Variants in STK3 observed in about 807,000 individuals in gnomAD.
STK3 encodes the protein serine/threonine kinase 3.
A neutral mutation model predicts 58.0 loss-of-function variants in STK3; 41 were observed. The observed-to-expected ratio is 0.71, with a 90% CI of 0.55 to 0.92. The LOEUF (loss-of-function observed/expected upper bound fraction) is 0.92. Among genes scored for constraint, STK3 ranks in the 40% least tolerant of loss-of-function variants. The pLI is 0.00. For missense variants in STK3, 479 were observed against 602.7 expected, an observed-to-expected ratio of 0.79 and a Z score of 2.15; for synonymous variants, 170 against 191.0, an observed-to-expected ratio of 0.89 and a Z score of 0.91.
intron 10 of STK3, among the ~76,000 whole-genome samples, chr8:98,512,319 T>A (rs1190534844): frequency 6.6e-6 from 1 of 152,198 alleles, no homozygotes; most frequent in Non-Finnish European, 1.5e-5. Context: ...AATTGATTGG[T>A]CTGAATTGTT....
chr8:98,901,804 T>A (rs1838667191), intron 1 of STK3, among the ~76,000 whole-genome samples: 1 of 152,210 alleles, frequency 6.6e-6, no homozygotes, highest in Non-Finnish European at 1.5e-5. Flanking sequence ...GCCTTCAAAG[T>A]AGAGCTGATC....
chr8:98,738,825 T>C (rs1042821513), intron 4 of STK3, among the ~76,000 whole-genome samples: 1 of 152,210 alleles, frequency 6.6e-6, no homozygotes, highest in Admixed American at 6.5e-5. Context: ...TTCAGGGAGT[T>C]CCCTTTCCTA....
chr8:98,482,619 G>A (rs527972487), intron 10 of STK3, among the ~76,000 whole-genome samples: 8 of 151,942 alleles, frequency 5.3e-5, no homozygotes, highest in African/African-American at 9.7e-5. Context: ...CTCCCTTAGA[G>A]ACTCTACGCA....
intron 6 of STK3, chr8:98,601,447 G>A (rs533750897): frequency 6.6e-6 from 1 of 152,236 alleles, no homozygotes; most frequent in East Asian, 1.9e-4. Context: ...AACACTTAAA[G>A]AACTTTATCA....
At chr8:98,507,508 A>G (rs574466982) in intron 10 of STK3, among the ~76,000 whole-genome samples, 1 of 152,286 alleles carries the variant, frequency 6.6e-6, no homozygotes, top group Admixed American at 6.5e-5. Flanking sequence ...CCACTCAATC[A>G]ATTCTGAAAT....
In STK3 at chr8:98,547,887, A is replaced by G. The variant is rs373062562; in HGVS notation, c.1141+82T>C. 7.2e-5 allele frequency: 91 copies of G among 1,259,758 alleles called. No individual in the cohort carries two copies. The African/African-American group carries it at 9.3e-4, about 13-fold the overall frequency. The allele number at this position is 1,259,758 out of a possible 1,614,324, so 78.0% of individuals were successfully genotyped here. A position where few individuals can be genotyped will look rare whatever the true frequency, so the allele number is the denominator to read the frequency against. On this transcript the variant is annotated intron_variant, in intron 9 of 10. Coordinates refer to ENST00000419617, the MANE Select transcript of STK3 (RefSeq NM_006281.4). Reference sequence around the variant, plus strand: ...AAATTTTCCACAGTTGGCTATAAAAAGTAACACAGAACTAGCCTGGTTCCT... The same window carrying G: ...AAATTTTCCACAGTTGGCTATAAAAGGTAACACAGAACTAGCCTGGTTCCT...
chr8:98,549,077 C>T (rs896452021), intron 8 of STK3, among the ~76,000 whole-genome samples: 4 of 152,156 alleles, frequency 2.6e-5, no homozygotes, highest in African/African-American at 7.2e-5. Context: ...CACTGACCTA[C>T]AAGTATCTGT....
At chr8:98,635,991 T>C (rs556940617) in intron 6 of STK3, among the ~76,000 whole-genome samples, 1 of 152,278 alleles carries the variant, frequency 6.6e-6, no homozygotes, top group Non-Finnish European at 1.5e-5. Flanking sequence ...GTACATTACC[T>C]ATTTTTTTAT....
intron 9 of STK3, among the ~76,000 whole-genome samples, chr8:98,536,042 A>T (rs552095625): frequency 2.0e-5 from 3 of 152,078 alleles, no homozygotes; most frequent in Non-Finnish European, 4.4e-5. Flanking sequence ...AAAGAAAGGA[A>T]ATTACTAGGA....
At chr8:98,473,902 A>T (rs1821112078) in intron 10 of STK3, among the ~76,000 whole-genome samples, 1 of 152,096 alleles carries the variant, frequency 6.6e-6, no homozygotes, top group Admixed American at 6.5e-5. Flanking sequence ...AATACCATCT[A>T]TCTGATAGTA....
chr8:98,404,202 C>G (rs965606626), intron 3 of STK3, among the ~76,000 whole-genome samples: 3 of 152,222 alleles, frequency 2.0e-5, no homozygotes, highest in Non-Finnish European at 4.4e-5. Flanking sequence ...GAGTTCTATT[C>G]TAGCATCTCT....
At chr8:98,360,996 C>A in the STK3 span, among the ~76,000 whole-genome samples, 1 of 152,220 alleles carries the variant, frequency 6.6e-6, no homozygotes, top group East Asian at 1.9e-4. Context: ...CACCCAAGCT[C>A]CACAGGACAC....
chr8:98,692,288 A>G (rs1225850702), intron 6 of STK3, among the ~76,000 whole-genome samples: 2 of 152,230 alleles, frequency 1.3e-5, no homozygotes, highest in Non-Finnish European at 2.9e-5. Context: ...CATTATTCAC[A>G]AAAGCCAAAA....
At position 98,669,896 on chromosome 8, in the gene STK3, C is replaced by T. The variant is rs904357840; in HGVS notation, c.684+36571G>A. Among the ~76,000 whole-genome samples the T allele has an allele frequency of 3.3e-5, 5 of 152,260 alleles. 1 individual carries two copies. In the South Asian group the frequency reaches 6.2e-4, roughly 19 times the overall value. ...CAAACGATAGAAGATCTCTTTCACA[C>T]GATAGATGATAAAATGAAGAGATGT... On this transcript the variant is annotated intron_variant, in intron 6 of 10. Transcript: ENST00000419617.
intron 8 of STK3, among the ~76,000 whole-genome samples, chr8:98,572,896 C>T (rs774341556): frequency 6.6e-6 from 1 of 152,042 alleles, no homozygotes; most frequent in African/African-American, 2.4e-5. Flanking sequence ...CCCAGAAACA[C>T]TAAGCTTTGC....
intron 3 of STK3, among the ~76,000 whole-genome samples, chr8:98,867,420 A>T (rs887274008): frequency 4.6e-5 from 7 of 152,180 alleles, no homozygotes. Flanking sequence ...GTCTCGAAAA[A>T]ATAATTTTTT....
At chr8:98,812,128 G>C (rs190319221) in intron 1 of STK3, among the ~76,000 whole-genome samples, 7 of 151,956 alleles carry the variant, frequency 4.6e-5, no homozygotes, top group Admixed American at 4.6e-4. Flanking sequence ...TTTCAATCCT[G>C]CTCCCTTTTG....
intron 3 of STK3, among the ~76,000 whole-genome samples, chr8:98,841,665 A>C (rs1835987214): frequency 6.7e-6 from 1 of 150,090 alleles, no homozygotes. Context: ...CTGGGCAAAA[A>C]AGAGAGACCT....
intron 3 of STK3, among the ~76,000 whole-genome samples, chr8:98,763,970 C>T (rs748909357): frequency 1.3e-5 from 2 of 152,128 alleles, no homozygotes; most frequent in Non-Finnish European, 2.9e-5. Flanking sequence ...CCACCATGCC[C>T]GGCCCTAATT....
Sources: gnomAD v4.1 joint callset for allele counts (sites outside exome capture counted in the v4.1 genomes callset) on GRCh38, gnomAD v4.1.1 for gene constraint, MANE v1.5 for transcripts, NCBI Gene and HGNC (gene_info 2026-07-23, HGNC 2026-07-21) for gene names.